The following ARHGEF11 variants were observed in gnomAD, a reference collection of about 807,000 sequenced individuals.
ARHGEF11 encodes Rho guanine exchange factor (GEF) 11.
A neutral mutation model predicts 193.7 loss-of-function variants in ARHGEF11; 55 were observed. That is an observed-to-expected ratio of 0.28 (90% confidence interval 0.23 to 0.36). ARHGEF11 has a LOEUF of 0.36. ARHGEF11 is among the 10% of genes least tolerant of loss of function. The pLI, the probability that ARHGEF11 is intolerant of heterozygous loss-of-function variation, is 1.00. For missense variants in ARHGEF11, 1,723 were observed against 2,005.6 expected (o/e 0.86, Z 2.69); for synonymous variants, 693 against 768.0 (o/e 0.90, Z 1.62).
rs1557841080 is a variant in ARHGEF11, at chr1:156,948,481, CG to C, written c.1942del (p.Arg648AlafsTer14). 4 of 1,614,152 alleles carry C rather than the reference CG, an allele frequency of 2.5e-6. No individual in the cohort carries two copies. Among genetic ancestry groups the C allele is most frequent in the Non-Finnish European group, 3.4e-6 (4 of 1,180,042 alleles). On this transcript the variant is annotated frameshift_variant, in exon 23 of 41. Coordinates refer to ENST00000368194, the MANE Select transcript of ARHGEF11 (RefSeq NM_198236.3). LOFTEE classifies it high-confidence loss of function. The surrounding 1 kb of genome is among the most constrained non-coding windows in gnomAD (Gnocchi z 4.2). Reference sequence around the variant, plus strand: ...CTTGAGGCTTTCAGAGCGGCCCAGGCGAATCTCTGAGCGTGAACTGGGGGGA... The same window carrying C: ...CTTGAGGCTTTCAGAGCGGCCCAGGCAATCTCTGAGCGTGAACTGGGGGGA... ...LESDSSRSEIRLGRSESLKGR... is the reference protein window; with the variant it reads ...LESDSSRSEIXLGRSESLKGR...
intron 1 of ARHGEF11, among the ~76,000 whole-genome samples, chr1:157,012,081 T>C (rs866060721): frequency 6.6e-6 from 1 of 152,142 alleles, no homozygotes; most frequent in Admixed American, 6.5e-5. Context: ...ACTACCCAAA[T>C]GTCCATCAAC....
In ARHGEF11 at chr1:156,945,435, C is replaced by G. The variant is rs553089404; in HGVS notation, c.2813-238G>C. 10 of 534,068 alleles carry G rather than the reference C, an allele frequency of 1.9e-5. No homozygotes were observed. In the East Asian group the frequency reaches 3.2e-4, roughly 17 times the overall value. 33.1% of individuals were successfully genotyped at this position (534,068 alleles called of 1,614,324 possible). On this transcript the variant is annotated intron_variant, in intron 29 of 40. Transcript: ENST00000368194. The stretch of plus-strand genomic sequence containing the variant: ...GAAGACGCTGATAGCTCCTGGGAAT[C>G]CCTGCCTCTACTACAACCAGCTCTA...
At chr1:157,041,985 C>T (rs1218474651) in intron 1 of ARHGEF11, among the ~76,000 whole-genome samples, 3 of 152,188 alleles carry the variant, frequency 2.0e-5, no homozygotes, top group Non-Finnish European at 2.9e-5. Context: ...CGTATTATTC[C>T]TTTCAGTGTG....
rs1228288756 is a variant in ARHGEF11 at position 156,937,338 on chromosome 1, T to G, written c.4351A>C (p.Ser1451Arg). 3 of 1,613,508 alleles carry G rather than the reference T, an allele frequency of 1.9e-6. No individual in the cohort carries two copies. Among genetic ancestry groups the G allele is most frequent in the Non-Finnish European group, 2.5e-6 (3 of 1,179,748 alleles). The change falls in exon 39 of 41, where the codon AGC becomes CGC. Residue 1451 changes from serine to arginine, a missense_variant. This residue lies in a region of ARHGEF11 where 360 missense variants were observed against 344.4 expected (regional missense o/e 1.05). Coordinates refer to ENST00000368194, the MANE Select transcript of ARHGEF11 (RefSeq NM_198236.3). ...QGGNDDPRRP[S>R]RSPPSLALRD... is the part of the protein sequence containing the mutation. Reference sequence around the variant, plus strand: ...AGGGCCAGGCTTGGAGGAGAGCGGCTGGGGCGTCTTGGATCATCGTTGCCT... The same window carrying G: ...AGGGCCAGGCTTGGAGGAGAGCGGCGGGGGCGTCTTGGATCATCGTTGCCT...
upstream of ARHGEF11, among the ~76,000 whole-genome samples, chr1:157,046,834 A>ACC (rs140150092): frequency 0.01 from 1,531 of 146,210 alleles, 25 homozygotes; most frequent in Middle Eastern, 0.035. Flanking sequence ...ACATGGTGAA[A>ACC]CCCCCCCCCT....
intron 34 of ARHGEF11, among the ~76,000 whole-genome samples, 193 bp from the exon 35 acceptor site, chr1:156,941,626 C>A (rs1656964238): frequency 6.6e-6 from 1 of 152,224 alleles, no homozygotes; most frequent in African/African-American, 2.4e-5. Context: ...ATCCCCCTCA[C>A]CCTTCTTCAG....
intron 1 of ARHGEF11, among the ~76,000 whole-genome samples, chr1:157,023,971 C>T (rs1670325293): frequency 2.0e-5 from 3 of 152,136 alleles, no homozygotes. Flanking sequence ...CATATGCCCA[C>T]ATAAAACTTA....
chr1:157,020,926 C>T lies in ARHGEF11; in HGVS notation c.32+23373G>A, dbSNP rs1442385397. Among the ~76,000 whole-genome samples the T allele has an allele frequency of 2.0e-5, 3 of 152,346 alleles. No homozygotes were observed. In the South Asian group the frequency reaches 6.2e-4, roughly 32 times the overall value. ...TCAAAAGCCAGCAAAATGTTATATA[C>T]TTCCAGGTAAATGTCTGTCCATGTG... On this transcript the variant is annotated intron_variant, in intron 1 of 40. Coordinates refer to ENST00000368194, the MANE Select transcript of ARHGEF11 (RefSeq NM_198236.3).
At chr1:156,996,357 C>G (rs532822401) in intron 1 of ARHGEF11, among the ~76,000 whole-genome samples, 24 of 151,994 alleles carry the variant, frequency 1.6e-4, no homozygotes, top group Non-Finnish European at 3.1e-4. Flanking sequence ...TGGACTTTAA[C>G]CAGAGCCTTG....
chr1:156,973,773 A>T (rs1480473499), intron 7 of ARHGEF11, among the ~76,000 whole-genome samples: 1 of 152,158 alleles, frequency 6.6e-6, no homozygotes, highest in Non-Finnish European at 1.5e-5. Context: ...CCAATGGATA[A>T]GTTCTACTGA....
intron 37 of ARHGEF11, chr1:156,938,877 C>T: frequency 4.1e-6 from 1 of 245,066 alleles, no homozygotes; most frequent in Non-Finnish European, 7.8e-6. Flanking sequence ...ACTTTTCTTG[C>T]CACCCTCTCA....
At chr1:156,949,204 G>T in intron 22 of ARHGEF11, 1 of 711,268 alleles carries the variant, frequency 1.4e-6, no homozygotes, top group Non-Finnish European at 1.7e-6. Flanking sequence ...GGCAGGACCC[G>T]CTCCTTGGCC....
intron 37 of ARHGEF11, chr1:156,939,083 T>G (rs2101790730): frequency 4.7e-6 from 1 of 212,636 alleles, no homozygotes; most frequent in Non-Finnish European, 9.3e-6. Flanking sequence ...CCTCCACCCC[T>G]TCCAGTCCCA....
intron 38 of ARHGEF11, among the ~76,000 whole-genome samples, chr1:156,937,770 A>C (rs1655802806): frequency 6.6e-6 from 1 of 152,174 alleles, no homozygotes; most frequent in Non-Finnish European, 1.5e-5. Context: ...GCAGTGTTTC[A>C]TTTGGGGAAA....
intron 14 of ARHGEF11, among the ~76,000 whole-genome samples, chr1:156,960,982 C>A (rs916999391): frequency 1.3e-5 from 2 of 152,252 alleles, no homozygotes; most frequent in Non-Finnish European, 2.9e-5. Context: ...AACCTCCCTA[C>A]TCAAGACCCA....
intron 15 of ARHGEF11, 108 bp downstream of exon 15, chr1:156,960,310 G>T: frequency 1.9e-6 from 2 of 1,056,542 alleles, no homozygotes; most frequent in Non-Finnish European, 2.9e-6. Context: ...ATTACAGGAC[G>T]GTTGCCCAAG....
chr1:157,040,240 A>T (rs1466734806), intron 1 of ARHGEF11, among the ~76,000 whole-genome samples: 1 of 152,146 alleles, frequency 6.6e-6, no homozygotes, highest in Non-Finnish European at 1.5e-5. Flanking sequence ...CATTTCCGGG[A>T]CTTATCATAC....
intron 11 of ARHGEF11, among the ~76,000 whole-genome samples, chr1:156,964,359 G>T (rs1167527845): frequency 3.3e-5 from 5 of 152,100 alleles, no homozygotes; most frequent in African/African-American, 4.8e-5. Context: ...TTCTCCTAAA[G>T]GTTCCTTGAG....
At chr1:156,986,267 T>A in intron 1 of ARHGEF11, 94 bp from the exon 2 acceptor site, 1 of 1,083,224 alleles carries the variant, frequency 9.2e-7, no homozygotes, top group Admixed American at 2.1e-5. Flanking sequence ...GCCCTGAGTC[T>A]TGGATAATGA....
Sources: allele counts gnomAD v4.1 joint callset (sites outside exome capture counted in the v4.1 genomes callset), GRCh38; gene constraint gnomAD v4.1.1; regional missense constraint gnomAD v4.1.1; non-coding constraint Gnocchi (gnomAD v3.1); transcripts MANE v1.5; gene names NCBI Gene and HGNC (gene_info 2026-07-23, HGNC 2026-07-21).